The following MAML2 variants were observed in gnomAD, a reference collection of about 807,000 sequenced individuals.
The protein encoded by MAML2 is mastermind-like protein 2.
A neutral mutation model predicts 96.1 loss-of-function variants in MAML2; 22 were observed. The ratio of observed to expected loss-of-function variants is 0.23; its 90% CI spans 0.16 to 0.33. The LOEUF (loss-of-function observed/expected upper bound fraction) is 0.33. MAML2 is among the 10% of genes least tolerant of loss of function. MAML2 has a pLI of 1.00. For synonymous variants in MAML2, 561 were observed against 521.3 expected, an observed-to-expected ratio of 1.08 and a Z score of -1.04; for missense variants, 1,367 against 1,392.4, an observed-to-expected ratio of 0.98 and a Z score of 0.29.
At chr11:96,174,246 G>T (rs890352479) in intron 1 of MAML2, among the ~76,000 whole-genome samples, 2 of 152,008 alleles carry the variant, frequency 1.3e-5, no homozygotes, top group Non-Finnish European at 2.9e-5. Flanking sequence ...CCTGTTAAGG[G>T]GATGCCTTGC....
chr11:96,294,561 C>A (rs1419546895), intron 1 of MAML2, among the ~76,000 whole-genome samples: 2 of 152,164 alleles, frequency 1.3e-5, no homozygotes, highest in East Asian at 3.8e-4. Flanking sequence ...AAAGAGACAG[C>A]AGAGATCACT....
At chr11:96,151,081 C>T (rs1030414464) in intron 1 of MAML2, among the ~76,000 whole-genome samples, 2 of 152,282 alleles carry the variant, frequency 1.3e-5, no homozygotes, top group African/African-American at 4.8e-5. Flanking sequence ...AAACACAAAA[C>T]CTTCTGTTGC....
At chr11:96,234,437 C>T (rs563699785) in intron 1 of MAML2, among the ~76,000 whole-genome samples, 9 of 152,280 alleles carry the variant, frequency 5.9e-5, no homozygotes, top group South Asian at 4.1e-4. Context: ...GCCGAGATCA[C>T]GCCATTGCAC....
At chr11:96,032,822 T>C (rs1858639828) in intron 2 of MAML2, among the ~76,000 whole-genome samples, 1 of 152,186 alleles carries the variant, frequency 6.6e-6, no homozygotes, top group South Asian at 2.1e-4. Context: ...TGATCCCATT[T>C]AAACAAAATT....
chr11:95,991,399 T>G (rs623543), intron 3 of MAML2, 121 bp downstream of exon 3: 1 of 910,844 alleles, frequency 1.1e-6, no homozygotes, highest in Admixed American at 1.9e-5. Context: ...TATCCTCTCT[T>G]ACAGTCAGCA....
chr11:95,980,062 T>C, intron 4 of MAML2, 99 bp from the exon 5 acceptor site: 1 of 901,844 alleles, frequency 1.1e-6, no homozygotes. Flanking sequence ...TGCTTTCAGG[T>C]GTAAGACAAT....
intron 1 of MAML2, among the ~76,000 whole-genome samples, chr11:96,114,688 T>C (rs1860204215): frequency 6.6e-6 from 1 of 152,226 alleles, no homozygotes. Flanking sequence ...TGAAAAGTGT[T>C]GCCGGCCTCC....
intron 1 of MAML2, among the ~76,000 whole-genome samples, chr11:96,340,381 A>T (rs901631999): frequency 1.3e-4 from 20 of 152,234 alleles, no homozygotes; most frequent in African/African-American, 4.3e-4. Flanking sequence ...GGAAGCCTGC[A>T]GGGCCACAGG....
In MAML2 at chr11:96,278,820, A is replaced by G. The variant is rs567346057; in HGVS notation, c.513+62563T>C. Among the ~76,000 whole-genome samples the G allele has an allele frequency of 2.0e-5, 3 of 152,322 alleles. No individual in the cohort carries two copies. In the East Asian group the frequency reaches 5.8e-4, roughly 29 times the overall value. On this transcript the variant is annotated intron_variant, in intron 1 of 4. Transcript: ENST00000524717. ...ACTTTATCATAAAAGCATTTTACAA[A>G]GATCACACTGGCAGCTGCATTTTGG...
rs184338328 is a variant in MAML2, at chr11:96,288,486, G to A, written c.513+52897C>T. On this transcript the variant is annotated intron_variant, in intron 1 of 4. Transcript: ENST00000524717. Reference sequence around the variant, plus strand: ...GAACCTGGGAGATGGAGGTTGCAGTGAGCCAAGATCGTGCCCTTGCACTCC... The same window carrying A: ...GAACCTGGGAGATGGAGGTTGCAGTAAGCCAAGATCGTGCCCTTGCACTCC... Among the ~76,000 whole-genome samples, 143 of 149,732 alleles carry A rather than the reference G, an allele frequency of 9.6e-4. No homozygotes were observed. The East Asian group carries it at 0.025, about 26-fold the overall frequency.
chr11:96,154,549 T>A (rs35476323), intron 1 of MAML2, among the ~76,000 whole-genome samples: 3,399 of 152,300 alleles, frequency 0.022, 78 homozygotes, highest in African/African-American at 0.047. Flanking sequence ...AATGAATACT[T>A]AGAATAACAT....
intron 2 of MAML2, among the ~76,000 whole-genome samples, chr11:96,040,600 C>T (rs1395781268): frequency 6.6e-6 from 1 of 152,116 alleles, no homozygotes; most frequent in East Asian, 1.9e-4. Context: ...AACCTCGTCT[C>T]TACTAAAAAT....
intron 1 of MAML2, among the ~76,000 whole-genome samples, chr11:96,240,023 AG>A (rs1862411750): frequency 6.6e-6 from 1 of 152,232 alleles, no homozygotes; most frequent in Admixed American, 6.5e-5. Context: ...CATCAGTTAC[AG>A]TCTATGAGAA....
chr11:96,039,280 G>A (rs759219334), intron 2 of MAML2, among the ~76,000 whole-genome samples: 10 of 148,818 alleles, frequency 6.7e-5, no homozygotes, highest in Non-Finnish European at 1.3e-4. Flanking sequence ...GGGGAGAGGA[G>A]GAGACAGAGG....
At chr11:96,178,967 A>C (rs1861439205) in intron 1 of MAML2, among the ~76,000 whole-genome samples, 1 of 152,246 alleles carries the variant, frequency 6.6e-6, no homozygotes, top group South Asian at 2.1e-4. Context: ...TTGCCCGATG[A>C]AATGGTCACC....
intron 1 of MAML2, among the ~76,000 whole-genome samples, chr11:96,176,324 G>A (rs1275274148): frequency 6.6e-6 from 1 of 152,148 alleles, no homozygotes; most frequent in Non-Finnish European, 1.5e-5. Flanking sequence ...AACTGAATAA[G>A]CTGTCAATCA....
intron 1 of MAML2, among the ~76,000 whole-genome samples, chr11:96,200,339 G>A (rs1861800913): frequency 6.6e-6 from 1 of 152,200 alleles, no homozygotes; most frequent in Admixed American, 6.5e-5. Context: ...ATCATCTGTA[G>A]CTTGGATTTG....
chr11:96,231,136 G>A (rs114957076), intron 1 of MAML2, among the ~76,000 whole-genome samples: 2,001 of 152,130 alleles, frequency 0.013, 48 homozygotes, highest in African/African-American at 0.046. Context: ...TATATAGGGG[G>A]TTTTAATAAA....
At chr11:96,083,067 G>A (rs1322136546) in intron 2 of MAML2, among the ~76,000 whole-genome samples, 1 of 152,190 alleles carries the variant, frequency 6.6e-6, no homozygotes, top group African/African-American at 2.4e-5. Flanking sequence ...TTCAATGTTG[G>A]CCTCTGAGAA....
Sources: gnomAD v4.1 joint callset for allele counts (sites outside exome capture counted in the v4.1 genomes callset) on GRCh38, gnomAD v4.1.1 for gene constraint, MANE v1.5 for transcripts, NCBI Gene and HGNC (gene_info 2026-07-23, HGNC 2026-07-21) for gene names.